ZNF445: variants seen among roughly 807,000 people sequenced by gnomAD.
ZNF445 encodes zinc finger protein 168.
In ZNF445, 19 loss-of-function variants were observed where a neutral mutation model predicts 93.9. That is an observed-to-expected ratio of 0.20 (90% CI 0.14 to 0.30). The LOEUF (loss-of-function observed/expected upper bound fraction) is 0.30. Ranked by LOEUF, ZNF445 falls within the 10% of genes least tolerant of loss-of-function variation. ZNF445 has a pLI of 1.00. For missense variants in ZNF445, 1,058 were observed against 1,259.4 expected (o/e 0.84, Z 2.42); for synonymous variants, 449 against 446.3 (o/e 1.01, Z -0.08).
intron 1 of ZNF445, among the ~76,000 whole-genome samples, chr3:44,470,589 G>A (rs1049733741): frequency 2.0e-5 from 3 of 152,132 alleles, no homozygotes; most frequent in East Asian, 1.9e-4. Context: ...ATGTCTTAAA[G>A]CAAATGAAAA....
Position 44,439,736 on chromosome 3 carries a change from CG to C in ZNF445, c.*6838del, listed in dbSNP as rs1279901982. 1 of 152,168 alleles carries C rather than the reference CG, an allele frequency of 6.6e-6. No individual in the cohort carries two copies. Among genetic ancestry groups the C allele is most frequent in the Non-Finnish European group, 1.5e-5 (1 of 68,036 alleles). 9.4% of individuals were successfully genotyped at this position (152,168 alleles called of 1,614,324 possible). A position where few individuals can be genotyped will look rare whatever the true frequency, so the allele number is the denominator to read the frequency against. ...AAACTACCATCACTCAAAACTGGTT[CG>C]GATGTTGAAACTGATGACACTGCAG... On this transcript the variant is annotated 3_prime_UTR_variant, in exon 8 of 8. Coordinates refer to ENST00000396077, the MANE Select transcript of ZNF445 (RefSeq NM_181489.6).
rs565221158 is a variant in ZNF445 at position 44,450,674 on chromosome 3, A to G, written c.694-101T>C. ...CTGGCTCTGTGTGAGTGCAGGATGG[A>G]CCTGGCAAAGGTGAAAGGGAAGACC... On this transcript the variant is annotated intron_variant, in intron 5 of 7. Transcript: ENST00000396077. 9 of 1,496,054 alleles carry G rather than the reference A, an allele frequency of 6.0e-6. No homozygotes were observed. The African/African-American group carries it at 9.8e-5, about 16-fold the overall frequency. The allele number at this position is 1,496,054 out of a possible 1,614,324, so 92.7% of individuals were successfully genotyped here.
intron 1 of ZNF445, among the ~76,000 whole-genome samples, chr3:44,465,265 T>A (rs1698178280): frequency 6.6e-6 from 1 of 152,156 alleles, no homozygotes; most frequent in African/African-American, 2.4e-5. Context: ...GAATGTAATT[T>A]TGTCTATTTC....
Position 44,447,436 on chromosome 3 carries a change from C to G in ZNF445, c.2235G>C (p.Gln745His). The G allele has an allele frequency of 6.2e-7, 1 of 1,614,194 alleles. No homozygotes were observed. The highest frequency in any genetic ancestry group is 8.5e-7 in the Non-Finnish European group (1 of 1,180,022). The change falls in exon 8 of 8, where the codon CAG (glutamine) becomes CAC (histidine). Residue 745 changes from glutamine to histidine, a missense_variant. Physicochemically the swap from Gln to His is conservative, Grantham distance 24. Around this residue, in one of 3 missense-constraint regions of ZNF445, gnomAD observed 387 missense variants for 475.7 expected, o/e 0.81. Transcript: ENST00000396077. The surrounding 1 kb of genome is among the most constrained non-coding windows in gnomAD (Gnocchi z 4.7). ...TCTGAGGAACCTGGAACACTGTGTC[C>G]TGACTAAAAGATGGCCCGCCCTCAG... is the stretch of plus-strand genomic sequence containing the variant. ...RKPEGGPSFS[Q>H]DTVFQVPQSS...
At chr3:44,465,507 G>C (rs989202175) in intron 1 of ZNF445, among the ~76,000 whole-genome samples, 6 of 152,204 alleles carry the variant, frequency 3.9e-5, no homozygotes, top group African/African-American at 1.4e-4. Context: ...GGTTTTCTTA[G>C]AAAACTGATC....
rs1208844134 is a variant in ZNF445, at chr3:44,446,756, C to T, written c.2915G>A (p.Ser972Asn). ...SSRLTGLQDI[S>N]IGKKCHKCSI... ...GCATTTGTGGCACTTTTTCCCAATG[C>T]TTATGTCCTGGAGTCCAGTGAGCCT... is the stretch of plus-strand genomic sequence containing the variant. The change falls in exon 8 of 8, where the codon AGC (serine) becomes AAC (asparagine). Residue 972 changes from serine to asparagine, a missense_variant. Physicochemically the swap from Ser to Asn is conservative, Grantham distance 46. Coordinates refer to ENST00000396077, the MANE Select transcript of ZNF445 (RefSeq NM_181489.6). The surrounding 1 kb of genome is among the most constrained non-coding windows in gnomAD (Gnocchi z 4.2). The T allele has an allele frequency of 6.2e-7, 1 of 1,614,176 alleles. No individual in the cohort carries two copies. Among genetic ancestry groups the T allele is most frequent in the South Asian group, 1.1e-5 (1 of 91,080 alleles).
In ZNF445 at chr3:44,455,530, T is replaced by C. The variant is rs968122040; in HGVS notation, c.20A>G (p.His7Arg). 5.0e-6 allele frequency: 8 copies of C among 1,602,158 alleles called. No homozygotes were observed. Among genetic ancestry groups the C allele is most frequent in the Non-Finnish European group, 6.8e-6 (8 of 1,174,168 alleles). Reference sequence around the variant, plus strand: ...CTGGGCCTGAGCTGGATAGGCAGCATGCCACCTGCCTGGAGGCATCACTCC... The same window carrying C: ...CTGGGCCTGAGCTGGATAGGCAGCACGCCACCTGCCTGGAGGCATCACTCC... MPPGRW[H>R]AAYPAQAQSS... The change falls in exon 3 of 8, where the codon CAT (histidine) becomes CGT (arginine). Residue 7 changes from histidine (H) to arginine (R), a missense_variant. Physicochemically the swap from His to Arg is conservative, Grantham distance 29 (BLOSUM62 0). Coordinates refer to ENST00000396077, the MANE Select transcript of ZNF445 (RefSeq NM_181489.6).
Position 44,449,990 on chromosome 3 carries a change from G to C in ZNF445, c.821-367C>G, listed in dbSNP as rs1005408689. ...GGGTCTCACTCTGTTACCCAAGCTGGAGTGCAGTGGTGCGATCTTGGCTCA... is the reference window on the plus strand; with the variant it reads ...GGGTCTCACTCTGTTACCCAAGCTGCAGTGCAGTGGTGCGATCTTGGCTCA... On this transcript the variant is annotated intron_variant, in intron 6 of 7. Transcript: ENST00000396077. 2.0e-5 allele frequency: 6 copies of C among 297,242 alleles called. No individual in the cohort carries two copies. The Middle Eastern group carries it at 3.5e-3, about 176-fold the overall frequency. 18.4% of individuals were successfully genotyped at this position (297,242 alleles called of 1,614,324 possible).
rs770258486 is a variant in ZNF445 at position 44,447,754 on chromosome 3, G to A, written c.1917C>T (p.Asn639=). ...KCRKTFRWRS[N]FTRHMRLHEE... is the part of the protein sequence containing the mutation. ...CATGCAACCTCATATGACGAGTAAA[G>A]TTTGATCTCCATCTAAAGGTTTTCC... Residue 639 remains asparagine, a synonymous_variant, in exon 8 of 8, where the codon AAC becomes AAT. Transcript: ENST00000396077. The surrounding 1 kb of genome is among the most constrained non-coding windows in gnomAD (Gnocchi z 4.7). 1 of 1,614,134 alleles carries A rather than the reference G, an allele frequency of 6.2e-7. No homozygotes were observed. Among genetic ancestry groups the A allele is most frequent in the South Asian group, 1.1e-5 (1 of 91,084 alleles).
chr3:44,476,531 T>G (rs1698359144), intron 1 of ZNF445, among the ~76,000 whole-genome samples: 1 of 152,136 alleles, frequency 6.6e-6, no homozygotes, highest in Admixed American at 6.5e-5. Context: ...TTAATCAAAT[T>G]ACTGCTCAAA....
Position 44,442,444 on chromosome 3 carries a change from T to C in ZNF445, c.*4131A>G, listed in dbSNP as rs1402259310. The C allele has an allele frequency of 6.6e-6, 1 of 152,224 alleles. No individual in the cohort carries two copies. The highest frequency in any genetic ancestry group is 1.5e-5 in the Non-Finnish European group (1 of 68,050). 9.4% of individuals were successfully genotyped at this position (152,224 alleles called of 1,614,324 possible). Reference sequence around the variant, plus strand: ...CTCACAATTTCTACTCATAAAGCAGTGTGAATTATCGTTGTTCCACGCACT... The same window carrying C: ...CTCACAATTTCTACTCATAAAGCAGCGTGAATTATCGTTGTTCCACGCACT... On this transcript the variant is annotated 3_prime_UTR_variant, in exon 8 of 8. Coordinates refer to ENST00000396077, the MANE Select transcript of ZNF445 (RefSeq NM_181489.6).
intron 1 of ZNF445, among the ~76,000 whole-genome samples, chr3:44,459,330 A>C (rs952991134): frequency 6.6e-6 from 1 of 152,262 alleles, no homozygotes; most frequent in Non-Finnish European, 1.5e-5. Flanking sequence ...TAAAACACCC[A>C]GAAATAAAGC....
Position 44,475,808 on chromosome 3 carries a change from G to A in ZNF445, c.-269+1783C>T, listed in dbSNP as rs570892049. Among the ~76,000 whole-genome samples the A allele has an allele frequency of 4.6e-5, 7 of 152,228 alleles. No homozygotes were observed. In the South Asian group the frequency reaches 1.5e-3, roughly 32 times the overall value. On this transcript the variant is annotated intron_variant, in intron 1 of 7. Transcript: ENST00000396077. The stretch of plus-strand genomic sequence containing the variant: ...GAGGTCGGGAGTTCGAGACCAGCCT[G>A]ACCAATACGGTGAAACCCCGTCTTT...
chr3:44,473,418 C>A (rs1334842169), intron 1 of ZNF445, among the ~76,000 whole-genome samples: 2 of 151,026 alleles, frequency 1.3e-5, no homozygotes, highest in East Asian at 3.9e-4. Context: ...CATGCCACTG[C>A]ACTCCAGCCT....
chr3:44,446,533 G>C lies in ZNF445; in HGVS notation c.*42C>G, dbSNP rs1481728052. ...CCTATAATTAAGGGTTCTCTAGCAG[G>C]GGACTGAGAACCCACCCCCACTGTC... On this transcript the variant is annotated 3_prime_UTR_variant, in exon 8 of 8. Transcript: ENST00000396077. The surrounding 1 kb of genome is among the most constrained non-coding windows in gnomAD (Gnocchi z 4.2). The C allele has an allele frequency of 6.2e-7, 1 of 1,610,392 alleles. No homozygotes were observed. The highest frequency in any genetic ancestry group is 2.2e-5 in the East Asian group (1 of 44,880).
intron 2 of ZNF445, among the ~76,000 whole-genome samples, chr3:44,457,271 T>TC (rs1202132903): frequency 6.6e-6 from 1 of 151,290 alleles, no homozygotes; most frequent in Admixed American, 6.6e-5. Flanking sequence ...CCCAACTGAT[T>TC]TTTTTTTTCT....
At chr3:44,449,454 TAAGA>T (rs1697928088) in intron 7 of ZNF445, 55 bp downstream of exon 7, 1 of 1,358,590 alleles carries the variant, frequency 7.4e-7, no homozygotes, top group Non-Finnish European at 1.1e-6. Flanking sequence ...TAACTGACCT[TAAGA>T]AAGAGAAAAG....
intron 2 of ZNF445, among the ~76,000 whole-genome samples, chr3:44,456,676 A>T (rs1396860172): frequency 6.6e-6 from 1 of 152,242 alleles, no homozygotes; most frequent in Non-Finnish European, 1.5e-5. Context: ...ATAATATTTT[A>T]AAATATCTCA....
chr3:44,474,106 T>C lies in ZNF445; in HGVS notation c.-269+3485A>G, dbSNP rs190172121. Among the ~76,000 whole-genome samples the C allele has an allele frequency of 1.1e-4, 16 of 152,292 alleles. No individual in the cohort carries two copies. The East Asian group carries it at 3.1e-3, about 29-fold the overall frequency. On this transcript the variant is annotated intron_variant, in intron 1 of 7. Coordinates refer to ENST00000396077, the MANE Select transcript of ZNF445 (RefSeq NM_181489.6). ...GAGAAACAGCATCTCATATGCAAAG[T>C]AGTAAACTATCTTCCCCCAAATAAT...
Sources: allele counts gnomAD v4.1 joint callset (sites outside exome capture counted in the v4.1 genomes callset), GRCh38; gene constraint gnomAD v4.1.1; regional missense constraint gnomAD v4.1.1; non-coding constraint Gnocchi (gnomAD v3.1); transcripts MANE v1.5; gene names NCBI Gene and HGNC (gene_info 2026-07-23, HGNC 2026-07-21).